The following NAV2 variants were observed in gnomAD, a reference collection of about 807,000 sequenced individuals.
NAV2 encodes the protein neuron navigator 2.
Under a neutral mutation model 223.2 loss-of-function variants are expected in NAV2, and 54 were observed. The observed-to-expected ratio is 0.24, with a 90% confidence interval of 0.19 to 0.30. The LOEUF (loss-of-function observed/expected upper bound fraction) is 0.30. Among genes scored for constraint, NAV2 ranks in the 10% least tolerant of loss-of-function variants. The pLI, the probability that NAV2 is intolerant of heterozygous loss-of-function variation, is 1.00. For synonymous variants in NAV2, 1,279 were observed against 1,239.3 expected, an observed-to-expected ratio of 1.03 and a Z score of -0.67; for missense variants, 2,806 against 3,147.5, an observed-to-expected ratio of 0.89 and a Z score of 2.60.
At chr11:19,532,149 G>A (rs1048498541) in intron 1 of NAV2, among the ~76,000 whole-genome samples, 3 of 152,214 alleles carry the variant, frequency 2.0e-5, no homozygotes, top group Non-Finnish European at 2.9e-5. Flanking sequence ...TTCGAGCCCA[G>A]TGGAAAGTTG....
At chr11:19,599,450 AG>A (rs1372764876) in intron 1 of NAV2, among the ~76,000 whole-genome samples, 1 of 152,234 alleles carries the variant, frequency 6.6e-6, no homozygotes, top group Admixed American at 6.5e-5. Context: ...TGTGTCCAGC[AG>A]GCAGAAATGC....
chr11:19,801,346 G>T (rs77071510), intron 1 of NAV2, among the ~76,000 whole-genome samples: 6,620 of 152,312 alleles, frequency 0.043, 174 homozygotes, highest in Middle Eastern at 0.051. Context: ...TCTCCCCAAA[G>T]GCAGAGTCCT....
At chr11:19,400,446 C>T (rs1849635846) in intron 1 of NAV2, among the ~76,000 whole-genome samples, 1 of 152,148 alleles carries the variant, frequency 6.6e-6, no homozygotes, top group Non-Finnish European at 1.5e-5. Context: ...ACATCGGTCC[C>T]TCTTAGCAGC....
chr11:19,874,581 C>A (rs568108062), intron 4 of NAV2, among the ~76,000 whole-genome samples: 258 of 152,194 alleles, frequency 1.7e-3, no homozygotes, highest in African/African-American at 6.0e-3. Flanking sequence ...GCTTACCAAG[C>A]CTCATGGAAC....
intron 1 of NAV2, among the ~76,000 whole-genome samples, chr11:19,481,899 C>T (rs1333098938): frequency 6.6e-6 from 1 of 152,142 alleles, no homozygotes; most frequent in Non-Finnish European, 1.5e-5. Context: ...CTTGTTGGAC[C>T]TCAGGCACTT....
At chr11:19,361,528 G>A (rs1347813239) in intron 1 of NAV2, among the ~76,000 whole-genome samples, 1 of 152,030 alleles carries the variant, frequency 6.6e-6, no homozygotes, top group Non-Finnish European at 1.5e-5. Flanking sequence ...TGCACAGAAG[G>A]TAGGCCAAAG....
chr11:19,538,373 C>G (rs532683735), intron 1 of NAV2, among the ~76,000 whole-genome samples: 1 of 152,256 alleles, frequency 6.6e-6, no homozygotes, highest in African/African-American at 2.4e-5. Context: ...CAGGGTCTTG[C>G]TCTTTCACCC....
At chr11:19,472,008 G>A (rs893667488) in intron 1 of NAV2, among the ~76,000 whole-genome samples, 2 of 152,118 alleles carry the variant, frequency 1.3e-5, no homozygotes, top group African/African-American at 2.4e-5. Flanking sequence ...CCCAACTAAC[G>A]GGTTGCTTTT....
At chr11:19,976,056 C>G (rs147604991) in intron 10 of NAV2, among the ~76,000 whole-genome samples, 77 of 152,256 alleles carry the variant, frequency 5.1e-4, no homozygotes, top group African/African-American at 1.8e-3. Flanking sequence ...CGTGCAAAAA[C>G]ATAGGAATCA....
chr11:20,051,198 C>T, intron 16 of NAV2, 91 bp from the exon 17 acceptor site: 5 of 1,038,442 alleles, frequency 4.8e-6, no homozygotes, highest in South Asian at 2.5e-5. Flanking sequence ...CCTCTTTCTC[C>T]AGGGCCCTTC....
chr11:19,438,286 G>A (rs1851281157), intron 1 of NAV2, among the ~76,000 whole-genome samples: 1 of 152,234 alleles, frequency 6.6e-6, no homozygotes, highest in Non-Finnish European at 1.5e-5. Flanking sequence ...AGGTGAAGAA[G>A]CTGAGGCTTC....
At position 19,934,269 on chromosome 11, in the gene NAV2, C is replaced by T. The variant is rs1270494635; in HGVS notation, c.2025C>T (p.Phe675=). The change falls in exon 7 of 38, where the codon TTC becomes TTT. Residue 675 remains phenylalanine, a synonymous_variant. Transcript: ENST00000349880. ...CCAACACTGCCACGGTTGCACCTTT[C>T]CTGTACAGGTAGGAGCTGCCACCCA... The part of the protein sequence containing the change: ...NHPNTATVAP[F]LYRSQTDTEG... 1.3e-6 allele frequency: 2 copies of T among 1,589,194 alleles called. No homozygotes were observed. The highest frequency in any genetic ancestry group is 1.1e-5 in the South Asian group (1 of 86,966).
chr11:19,401,612 G>A (rs1849688945), intron 1 of NAV2, among the ~76,000 whole-genome samples: 1 of 152,168 alleles, frequency 6.6e-6, no homozygotes, highest in South Asian at 2.1e-4. Flanking sequence ...GGAAGAAAGG[G>A]TAATCCAGAA....
chr11:19,896,026 T>A (rs1165684598), intron 6 of NAV2, among the ~76,000 whole-genome samples: 1 of 152,082 alleles, frequency 6.6e-6, no homozygotes, highest in African/African-American at 2.4e-5. Context: ...GTGTGGACTG[T>A]TTTCAGGTGA....
At chr11:19,964,870 A>T (rs2153415993) in intron 10 of NAV2, among the ~76,000 whole-genome samples, 1 of 119,714 alleles carries the variant, frequency 8.4e-6, no homozygotes, top group African/African-American at 3.3e-5. Flanking sequence ...CCCAGGCTGG[A>T]GTGCAATGGC....
At chr11:19,683,847 T>C (rs564816431) in intron 1 of NAV2, among the ~76,000 whole-genome samples, 4 of 152,362 alleles carry the variant, frequency 2.6e-5, no homozygotes, top group African/African-American at 4.8e-5. Flanking sequence ...GGATATTAAA[T>C]TGTATCTTCA....
At chr11:19,804,641 C>T (rs374811792) in intron 1 of NAV2, among the ~76,000 whole-genome samples, 16 of 152,248 alleles carry the variant, frequency 1.1e-4, no homozygotes, top group African/African-American at 3.9e-4. Flanking sequence ...AGTCTTCTGT[C>T]TGTCCTTCCA....
intron 8 of NAV2, among the ~76,000 whole-genome samples, chr11:19,945,164 TC>T (rs1591365215): frequency 5.4e-4 from 8 of 14,724 alleles, no homozygotes; most frequent in Admixed American, 2.2e-3. Context: ...TCCCTTCCCT[TC>T]CCTTCCCTTC....
intron 1 of NAV2, among the ~76,000 whole-genome samples, chr11:19,360,022 CA>C (rs1401718507): frequency 6.6e-6 from 1 of 152,194 alleles, no homozygotes; most frequent in Non-Finnish European, 1.5e-5. Context: ...TTTCTTAGTT[CA>C]GAGTCATGAA....
Sources: gnomAD v4.1 joint callset for allele counts (sites outside exome capture counted in the v4.1 genomes callset) on GRCh38, gnomAD v4.1.1 for gene constraint, MANE v1.5 for transcripts, NCBI Gene and HGNC (gene_info 2026-07-23, HGNC 2026-07-21) for gene names.